Variants in CDYL observed in about 807,000 individuals in gnomAD.
CDYL encodes the protein chromodomain Y like.
CDYL carries 8 observed loss-of-function variants against 47.3 expected under a neutral mutation model. The ratio of observed to expected loss-of-function variants is 0.17; its 90% CI spans 0.10 to 0.31. The LOEUF is 0.31. Among genes scored for constraint, CDYL ranks in the 10% least tolerant of loss-of-function variants. The pLI is 1.00. For missense variants in CDYL, 471 were observed against 701.4 expected (o/e 0.67, Z 3.71); for synonymous variants, 266 against 265.0 (o/e 1.00, Z -0.04).
At chr6:4,742,395 A>G (rs1484000788) in intron 3 of CDYL, among the ~76,000 whole-genome samples, 1 of 151,456 alleles carries the variant, frequency 6.6e-6, no homozygotes, top group Non-Finnish European at 1.5e-5. Flanking sequence ...AAGAAAAAGG[A>G]AGAGAGAAAT....
At chr6:4,837,067 A>C (rs1010319318) in intron 1 of CDYL, among the ~76,000 whole-genome samples, 9 of 152,118 alleles carry the variant, frequency 5.9e-5, no homozygotes, top group African/African-American at 2.2e-4. Context: ...CATAGCAGAC[A>C]CTCTCTTGCT....
intron 1 of CDYL, among the ~76,000 whole-genome samples, chr6:4,841,196 C>T (rs912689966): frequency 1.8e-4 from 28 of 152,082 alleles, no homozygotes; most frequent in African/African-American, 6.5e-4. Flanking sequence ...AGTTTATGTG[C>T]ATAAAGGTGT....
chr6:4,717,179 T>A (rs1292294098), intron 2 of CDYL, among the ~76,000 whole-genome samples: 1 of 152,096 alleles, frequency 6.6e-6, no homozygotes, highest in African/African-American at 2.4e-5. Flanking sequence ...CACCTGAGAC[T>A]CCAGTACTTT....
chr6:4,868,239 A>T (rs1761376974), intron 1 of CDYL, among the ~76,000 whole-genome samples: 1 of 151,942 alleles, frequency 6.6e-6, no homozygotes, highest in East Asian at 1.9e-4. Context: ...ATAAGTGTTT[A>T]AAACTACAAT....
Position 4,776,694 on chromosome 6 carries a change from C to T in CDYL, c.-90C>T. The T allele has an allele frequency of 8.3e-7, 1 of 1,203,388 alleles. No individual in the cohort carries two copies. Among genetic ancestry groups the T allele is most frequent in the Non-Finnish European group, 1.1e-6 (1 of 927,522 alleles). The allele number at this position is 1,203,388 out of a possible 1,614,324, so 74.5% of individuals were successfully genotyped here. On this transcript the variant is annotated 5_prime_UTR_variant, in exon 1 of 7. It adds an upstream start codon to the 5' untranslated region. Coordinates refer to ENST00000397588, the MANE Select transcript of CDYL (RefSeq NM_004824.4). ...CCGCGGGAGCAGGAAGCGCAGGCCA[C>T]GCAGGACCCAACTGAAACAAAGTGT...
intron 1 of CDYL, among the ~76,000 whole-genome samples, chr6:4,788,047 T>C (rs1451551562): frequency 6.6e-6 from 1 of 152,004 alleles, no homozygotes; most frequent in East Asian, 1.9e-4. Flanking sequence ...GCTGGGATTA[T>C]AGGTGTGAGC....
At chr6:4,860,075 G>A (rs1242399843) in intron 1 of CDYL, among the ~76,000 whole-genome samples, 1 of 151,670 alleles carries the variant, frequency 6.6e-6, no homozygotes, top group Non-Finnish European at 1.5e-5. Context: ...CTAATTTTTT[G>A]TATTTTTAGT....
chr6:4,771,118 T>TC (rs914946296), intron 3 of CDYL, among the ~76,000 whole-genome samples: 3 of 152,048 alleles, frequency 2.0e-5, no homozygotes, highest in Non-Finnish European at 4.4e-5. Context: ...TTTGCACTTT[T>TC]TTTTTTGGCG....
intron 2 of CDYL, among the ~76,000 whole-genome samples, chr6:4,896,694 T>C (rs1762293718): frequency 6.6e-6 from 1 of 152,234 alleles, no homozygotes; most frequent in South Asian, 2.1e-4. Context: ...TCAGACACTT[T>C]TTAAGCCATT....
rs1034924624 is a variant in CDYL at position 4,712,837 on chromosome 6, C to T, written c.-38-2904C>T. ...AGGAAGGGGTTCTTTCCAGCCTTCA[C>T]TCTGCCATTTACCAAGTATGTACCA... On this transcript the variant is annotated intron_variant, in intron 1 of 8. Coordinates refer to the CDYL transcript ENST00000328908. Among the ~76,000 whole-genome samples the T allele has an allele frequency of 2.6e-5, 4 of 152,340 alleles. No homozygotes were observed. The South Asian group carries it at 6.2e-4, about 24-fold the overall frequency.
intron 1 of CDYL, among the ~76,000 whole-genome samples, chr6:4,882,217 A>G (rs1761782826): frequency 6.6e-6 from 1 of 152,136 alleles, no homozygotes; most frequent in Non-Finnish European, 1.5e-5. Flanking sequence ...CTCACTTGTT[A>G]GCTTCTGTCC....
intron 2 of CDYL, among the ~76,000 whole-genome samples, chr6:4,897,641 G>T (rs1268981399): frequency 1.3e-5 from 2 of 152,168 alleles, no homozygotes; most frequent in Non-Finnish European, 2.9e-5. Context: ...ACCAGGCCAG[G>T]TGTGGTGGCT....
intron 2 of CDYL, among the ~76,000 whole-genome samples, chr6:4,913,040 C>T (rs1340028143): frequency 6.6e-6 from 1 of 152,218 alleles, no homozygotes; most frequent in East Asian, 1.9e-4. Flanking sequence ...CAGAAGTCAT[C>T]AGAGCCTTTC....
intron 3 of CDYL, among the ~76,000 whole-genome samples, chr6:4,742,837 T>G (rs954743155): frequency 6.6e-6 from 1 of 152,246 alleles, no homozygotes; most frequent in Non-Finnish European, 1.5e-5. Flanking sequence ...TAGGATCATC[T>G]TGAAGCTGCA....
At chr6:4,804,128 G>A (rs774636691) in intron 1 of CDYL, among the ~76,000 whole-genome samples, 5 of 152,138 alleles carry the variant, frequency 3.3e-5, no homozygotes, top group Non-Finnish European at 5.9e-5. Context: ...AGACTAACCA[G>A]TGTGGACAGA....
At chr6:4,896,703 T>C (rs548703513) in intron 2 of CDYL, among the ~76,000 whole-genome samples, 1 of 152,352 alleles carries the variant, frequency 6.6e-6, no homozygotes, top group South Asian at 2.1e-4. Context: ...TTTTAAGCCA[T>C]TGTTTGTTTT....
At chr6:4,797,226 A>G (rs1205146968) in intron 1 of CDYL, among the ~76,000 whole-genome samples, 1 of 152,078 alleles carries the variant, frequency 6.6e-6, no homozygotes, top group Non-Finnish European at 1.5e-5. Context: ...TCACTGATTA[A>G]CTCTTCATTC....
chr6:4,842,970 C>T lies in CDYL; in HGVS notation c.25-48743C>T, dbSNP rs184752226. Reference sequence around the variant, plus strand: ...AGTTTTTGTTTCAAGATTTATATCTCCTTTTAGCAGTTATTGTAGCGCTGG... The same window carrying T: ...AGTTTTTGTTTCAAGATTTATATCTTCTTTTAGCAGTTATTGTAGCGCTGG... On this transcript the variant is annotated intron_variant, in intron 1 of 6. Transcript: ENST00000397588. 5.1e-3 allele frequency among the ~76,000 whole-genome samples: 780 copies of T among 152,224 alleles called. 6 individuals carry two copies. Among genetic ancestry groups the T allele is most frequent in the African/African-American group, 0.018 (748 of 41,516 alleles).
chr6:4,934,520 G>A (rs892650568), intron 2 of CDYL, among the ~76,000 whole-genome samples: 3 of 151,960 alleles, frequency 2.0e-5, no homozygotes, highest in East Asian at 1.9e-4. Flanking sequence ...TTCATGCTCC[G>A]CCCTCAGAGA....
Sources: gnomAD v4.1 joint callset for allele counts (sites outside exome capture counted in the v4.1 genomes callset) on GRCh38, gnomAD v4.1.1 for gene constraint, MANE v1.5 for transcripts, NCBI Gene and HGNC (gene_info 2026-07-23, HGNC 2026-07-21) for gene names.